The following GRXCR1 variants were observed in gnomAD, a reference collection of about 807,000 sequenced individuals.
GRXCR1 encodes the protein glutaredoxin and cysteine rich domain containing 1, also known as glutaredoxin domain-containing cysteine-rich protein 1.
Under a neutral mutation model 27.3 loss-of-function variants are expected in GRXCR1, and 27 were observed. The ratio of observed to expected loss-of-function variants is 0.99; its 90% CI spans 0.73 to 1.37. The LOEUF (loss-of-function observed/expected upper bound fraction) is 1.37. Ranked by LOEUF, GRXCR1 falls within the 40% of genes most tolerant of loss-of-function variation. GRXCR1 has a pLI of 0.00. For synonymous variants in GRXCR1, 122 were observed against 131.1 expected, an observed-to-expected ratio of 0.93 and a Z score of 0.47; for missense variants, 379 against 354.4, an observed-to-expected ratio of 1.07 and a Z score of -0.56.
chr4:43,001,672 T>C (rs1388221075), intron 2 of GRXCR1, among the ~76,000 whole-genome samples: 1 of 152,134 alleles, frequency 6.6e-6, no homozygotes. Flanking sequence ...TGCGGGTATT[T>C]CTAGTTGGGT....
intron 2 of GRXCR1, among the ~76,000 whole-genome samples, chr4:42,967,337 C>T (rs2109777452): frequency 6.6e-6 from 1 of 152,120 alleles, no homozygotes; most frequent in South Asian, 2.1e-4. Flanking sequence ...GCTGTGTTGT[C>T]AAAGATGAGT....
At chr4:43,008,042 CT>C (rs753824887) in intron 2 of GRXCR1, among the ~76,000 whole-genome samples, 12 of 151,928 alleles carry the variant, frequency 7.9e-5, no homozygotes, top group Admixed American at 1.3e-4. Flanking sequence ...TTTTTATTTG[CT>C]TAGTTTTATC....
intron 2 of GRXCR1, among the ~76,000 whole-genome samples, chr4:43,011,206 GT>G (rs1338205965): frequency 5.9e-5 from 9 of 152,188 alleles, no homozygotes; most frequent in Non-Finnish European, 1.2e-4. Flanking sequence ...ATTGTCGATC[GT>G]GCTGGTTAAT....
At chr4:42,991,725 TC>T (rs1192241021) in intron 2 of GRXCR1, among the ~76,000 whole-genome samples, 3 of 152,160 alleles carry the variant, frequency 2.0e-5, no homozygotes, top group African/African-American at 2.4e-5. Context: ...GTCATTTTTT[TC>T]ATTATCATCC....
At chr4:42,974,089 C>A (rs1361566061) in intron 2 of GRXCR1, among the ~76,000 whole-genome samples, 1 of 151,982 alleles carries the variant, frequency 6.6e-6, no homozygotes, top group Non-Finnish European at 1.5e-5. Flanking sequence ...GGGTTTGCAG[C>A]AGAGAAAGAG....
chr4:42,935,955 A>G (rs1229757954), intron 1 of GRXCR1, among the ~76,000 whole-genome samples: 1 of 151,904 alleles, frequency 6.6e-6, no homozygotes, highest in Non-Finnish European at 1.5e-5. Context: ...GTAATATTTC[A>G]TTAAAGAACT....
chr4:42,961,218 T>C (rs1164215744), intron 1 of GRXCR1, among the ~76,000 whole-genome samples: 4 of 151,972 alleles, frequency 2.6e-5, no homozygotes, highest in Non-Finnish European at 4.4e-5. Context: ...CCATGGTGCA[T>C]ATGTACCACA....
chr4:42,979,886 T>C (rs2109784108), intron 2 of GRXCR1, among the ~76,000 whole-genome samples: 1 of 152,152 alleles, frequency 6.6e-6, no homozygotes, highest in South Asian at 2.1e-4. Flanking sequence ...CATAATTCAA[T>C]CTTTGCAAGT....
At chr4:42,958,293 G>A (rs1425048115) in intron 1 of GRXCR1, among the ~76,000 whole-genome samples, 7 of 151,936 alleles carry the variant, frequency 4.6e-5, no homozygotes, top group African/African-American at 1.7e-4. Flanking sequence ...AACTACACAA[G>A]GTAAACTAAT....
intron 2 of GRXCR1, among the ~76,000 whole-genome samples, chr4:42,987,221 A>T (rs372420396): frequency 2.5e-5 from 1 of 39,934 alleles, no homozygotes; most frequent in African/African-American, 1.0e-4. Context: ...TTATATATAT[A>T]TTATATATTA....
chr4:43,020,453 T>G, intron 3 of GRXCR1, 34 bp downstream of exon 3: 1 of 1,311,676 alleles, frequency 7.6e-7, no homozygotes. Context: ...GTTTTAGTAA[T>G]CAAAATATTA....
intron 2 of GRXCR1, among the ~76,000 whole-genome samples, chr4:43,011,923 C>T (rs116721794): frequency 0.016 from 2,421 of 152,260 alleles, 36 homozygotes; most frequent in Non-Finnish European, 0.027. Context: ...TCTTCAGTAA[C>T]CTGCTCATGC....
chr4:42,903,480 T>C (rs1746514557), intron 1 of GRXCR1, among the ~76,000 whole-genome samples: 1 of 145,878 alleles, frequency 6.9e-6, no homozygotes, highest in South Asian at 2.5e-4. Flanking sequence ...CCAGGCTAAT[T>C]TTTTGTATTT....
chr4:42,963,960 G>A (rs1748183906), intron 2 of GRXCR1, among the ~76,000 whole-genome samples: 1 of 151,926 alleles, frequency 6.6e-6, no homozygotes, highest in Non-Finnish European at 1.5e-5. Context: ...ATTTTTCAGA[G>A]GAGGTTATAA....
chr4:43,002,838 G>A (rs1174412056), intron 2 of GRXCR1, among the ~76,000 whole-genome samples: 2 of 152,186 alleles, frequency 1.3e-5, no homozygotes, highest in Non-Finnish European at 2.9e-5. Flanking sequence ...GACAGGACCT[G>A]TATTGAATGA....
chr4:42,895,225 C>T (rs28666586), intron 1 of GRXCR1, among the ~76,000 whole-genome samples: 7,861 of 152,120 alleles, frequency 0.052, 267 homozygotes, highest in African/African-American at 0.088. Flanking sequence ...TATTTACCTG[C>T]ATATTTTTCT....
Position 42,893,574 on chromosome 4 carries a change from A to T in GRXCR1, c.308A>T (p.Asn103Ile). The change falls in exon 1 of 4, where the codon AAT becomes ATT. Residue 103 changes from asparagine (N) to isoleucine (I), a missense_variant. Physicochemically the swap from Asn to Ile is moderately radical, Grantham distance 149. Transcript: ENST00000399770. ...GTRRVNILSK[N>I]GTVRGVKYKV... The stretch of plus-strand genomic sequence containing the variant: ...AGAAGAGTCAACATTTTAAGCAAAA[A>T]TGGCACAGTCAGAGGCGTCAAATAC... 1 of 1,613,826 alleles carries T rather than the reference A, an allele frequency of 6.2e-7. No homozygotes were observed. Among genetic ancestry groups the T allele is most frequent in the Non-Finnish European group, 8.5e-7 (1 of 1,179,826 alleles).
intron 1 of GRXCR1, among the ~76,000 whole-genome samples, chr4:42,929,480 G>T (rs1349964001): frequency 6.6e-6 from 1 of 152,008 alleles, no homozygotes; most frequent in Non-Finnish European, 1.5e-5. Context: ...AGCAGAAGAG[G>T]AGAAATATGG....
rs555877478 is a variant in GRXCR1, at chr4:42,956,502, T to C, written c.385-6390T>C. Among the ~76,000 whole-genome samples, 3 of 152,162 alleles carry C rather than the reference T, an allele frequency of 2.0e-5. No homozygotes were observed. The East Asian group carries it at 5.8e-4, about 30-fold the overall frequency. On this transcript the variant is annotated intron_variant, in intron 1 of 3. Coordinates refer to ENST00000399770, the MANE Select transcript of GRXCR1 (RefSeq NM_001080476.3). ...ATATCATTTAAAGTTCATATAAAAC[T>C]GGAAAAGACCTTGAGAAATCATCCA...
Sources: allele counts gnomAD v4.1 joint callset (sites outside exome capture counted in the v4.1 genomes callset), GRCh38; gene constraint gnomAD v4.1.1; transcripts MANE v1.5; gene names NCBI Gene and HGNC (gene_info 2026-07-23, HGNC 2026-07-21).